The following PBXIP1 variants were observed in gnomAD, a reference collection of about 807,000 sequenced individuals.
PBXIP1 encodes PBX homeobox interacting protein 1.
A neutral mutation model predicts 73.7 loss-of-function variants in PBXIP1; 73 were observed. That is an observed-to-expected ratio of 0.99 (90% CI 0.82 to 1.20). The LOEUF (loss-of-function observed/expected upper bound fraction) is 1.20. Ranked by LOEUF, PBXIP1 falls within the 50% of genes most tolerant of loss-of-function variation. PBXIP1 has a pLI of 0.00. For missense variants in PBXIP1, 818 were observed against 911.4 expected, an observed-to-expected ratio of 0.90 and a Z score of 1.32; for synonymous variants, 330 against 366.9, an observed-to-expected ratio of 0.90 and a Z score of 1.15.
intron 9 of PBXIP1, chr1:154,947,070 G>A: frequency 1.8e-6 from 1 of 567,426 alleles, no homozygotes; most frequent in Non-Finnish European, 3.2e-6. Context: ...GATAGCCAAT[G>A]TGTGGCTCTC....
In PBXIP1 at chr1:154,947,254, A is replaced by G. The variant is rs1288102386; in HGVS notation, c.870+163T>C. 4 of 795,174 alleles carry G rather than the reference A, an allele frequency of 5.0e-6. No individual in the cohort carries two copies. The Admixed American group carries it at 6.7e-5, about 13-fold the overall frequency. 49.3% of individuals were successfully genotyped at this position (795,174 alleles called of 1,614,324 possible). A position where few individuals can be genotyped will look rare whatever the true frequency, so the allele number is the denominator to read the frequency against. ...CAGCCCTGGCCCAAACCTTAGCACA[A>G]GGGATGTGAACCAAGAACTGGGAAG... On this transcript the variant is annotated intron_variant, in intron 9 of 10. Coordinates refer to ENST00000368463, the MANE Select transcript of PBXIP1 (RefSeq NM_020524.4).
At chr1:154,945,386 C>T (rs1654767529) in intron 10 of PBXIP1, among the ~76,000 whole-genome samples, 186 bp downstream of exon 10, 1 of 152,148 alleles carries the variant, frequency 6.6e-6, no homozygotes, top group Non-Finnish European at 1.5e-5. Flanking sequence ...CTGCTCAGGA[C>T]CACTCTGGGG....
rs569351656 is a variant in PBXIP1, at chr1:154,948,448, C to T, written c.410-82G>A. Reference sequence around the variant, plus strand: ...GGGAGAGAGGGGAATCAGAGGAAGGCACAGGGAGGGAGGTCGTCAGCCCTG... The same window carrying T: ...GGGAGAGAGGGGAATCAGAGGAAGGTACAGGGAGGGAGGTCGTCAGCCCTG... On this transcript the variant is annotated intron_variant, in intron 5 of 10. Transcript: ENST00000368463. 2.7e-4 allele frequency: 286 copies of T among 1,056,860 alleles called. 1 individual carries two copies. The African/African-American group carries it at 4.0e-3, about 15-fold the overall frequency. The allele number at this position is 1,056,860 out of a possible 1,614,324, so 65.5% of individuals were successfully genotyped here.
At chr1:154,952,046 G>A (rs947022721) in intron 2 of PBXIP1, 125 bp from the exon 3 acceptor site, 10 of 998,146 alleles carry the variant, frequency 1.0e-5, no homozygotes, top group Non-Finnish European at 1.3e-5. Flanking sequence ...CCAAGTGCTC[G>A]GCATTCCCCA....
At chr1:154,947,238 C>T (rs748925164) in intron 9 of PBXIP1, 179 bp downstream of exon 9, 9 of 710,946 alleles carry the variant, frequency 1.3e-5, no homozygotes, top group South Asian at 8.7e-5. Flanking sequence ...CCAGCCCTGG[C>T]CCAAACCTTA....
rs779000898 is a variant in PBXIP1 at position 154,947,644 on chromosome 1, GC to G, written c.735del (p.Arg245SerfsTer5). ...DPEVLEAVGD[R>X]QDGLREQLQA... ...CCTCTGGAGACATTCACACATACCT[GC>G]CTGTCCCCCACAGCTTCCAGCACCT... On this transcript the variant is annotated frameshift_variant, in exon 8 of 11. Coordinates refer to ENST00000368463, the MANE Select transcript of PBXIP1 (RefSeq NM_020524.4). LOFTEE classifies it high-confidence loss of function. 8 of 1,613,854 alleles carry G rather than the reference GC, an allele frequency of 5.0e-6. No individual in the cohort carries two copies. The African/African-American group carries it at 8.0e-5, about 16-fold the overall frequency.
chr1:154,945,109 T>C lies in PBXIP1; in HGVS notation c.2111A>G (p.Lys704Arg), dbSNP rs1654757068. The change falls in exon 11 of 11, where the codon AAG (lysine) becomes AGG (arginine). Residue 704 changes from lysine to arginine, a missense_variant. Physicochemically the swap from Lys to Arg is conservative, Grantham distance 26. Transcript: ENST00000368463. ...TGGGCTCTGTGAGTGCTTGTCCTTC[T>C]TCCCTGACCTGTGGGGAGGAAGAGG... ...GDKALKKRSG[K>R]KDKHSQSPRA... 1 of 1,612,980 alleles carries C rather than the reference T, an allele frequency of 6.2e-7. No individual in the cohort carries two copies. The highest frequency in any genetic ancestry group is 1.1e-5 in the South Asian group (1 of 91,058).
intron 2 of PBXIP1, among the ~76,000 whole-genome samples, chr1:154,953,154 C>T (rs1447282730): frequency 1.3e-5 from 2 of 152,160 alleles, no homozygotes; most frequent in African/African-American, 2.4e-5. Flanking sequence ...CCAGCATGCA[C>T]AGTGGCTTCA....
In PBXIP1 at chr1:154,944,690, TGAAAGCTCTTTAGCTTCA is replaced by T; in HGVS notation, c.*316_*333del. On this transcript the variant is annotated 3_prime_UTR_variant, in exon 11 of 11. Coordinates refer to ENST00000368463, the MANE Select transcript of PBXIP1 (RefSeq NM_020524.4). ...CTATGGGGACATACACTCAAGAGGATGAAAGCTCTTTAGCTTCAGAATCAGATTGCCTTCCCCAGACCC... is the reference window on the plus strand; with the variant it reads ...CTATGGGGACATACACTCAAGAGGATGAATCAGATTGCCTTCCCCAGACCC... 1 of 253,540 alleles carries T rather than the reference TGAAAGCTCTTTAGCTTCA, an allele frequency of 3.9e-6. No homozygotes were observed. Among genetic ancestry groups the T allele is most frequent in the Non-Finnish European group, 7.8e-6 (1 of 128,614 alleles). 15.7% of individuals were successfully genotyped at this position (253,540 alleles called of 1,614,324 possible).
In PBXIP1 at chr1:154,946,639, A is replaced by T; in HGVS notation, c.1035T>A (p.Cys345Ter). 2 of 1,612,194 alleles carry T rather than the reference A, an allele frequency of 1.2e-6. No homozygotes were observed. Among genetic ancestry groups the T allele is most frequent in the Non-Finnish European group, 1.7e-6 (2 of 1,178,708 alleles). Residue 345 changes from cysteine (C) to a stop codon, truncating the protein, a stop_gained, in exon 10 of 11, where the codon TGT becomes TGA. Coordinates refer to ENST00000368463, the MANE Select transcript of PBXIP1 (RefSeq NM_020524.4). LOFTEE classifies it high-confidence loss of function. ...RARLQGLEADCVRGPDGVCLS... is the reference protein window; with the variant it reads ...RARLQGLEAD ...GGCACACCCCATCTGGGCCCCGGAC[A>T]CAGTCGGCCTCCAGCCCCTGGAGCC...
At chr1:154,953,787 A>G (rs1655088116) in intron 1 of PBXIP1, 30 bp from the exon 2 acceptor site, 2 of 1,458,800 alleles carry the variant, frequency 1.4e-6, no homozygotes, top group Non-Finnish European at 1.9e-6. Flanking sequence ...TAAGGATGGG[A>G]GCTCCCTTCA....
Position 154,951,879 on chromosome 1 carries a change from G to A in PBXIP1, c.94C>T (p.Pro32Ser). ...GCCTGCAGGGCTCTCTCAGATTCTG[G>A]GTCCATCCTGGATGCCGGGCCCAGT... The part of the protein sequence containing the change: ...ETLGPASRMD[P>S]ESERALQAPH... The change falls in exon 3 of 11, where the codon CCA (proline) becomes TCA (serine). Residue 32 changes from proline (P) to serine (S), a missense_variant. By Grantham distance (74) the Pro-to-Ser change is moderately conservative. Transcript: ENST00000368463. The surrounding 1 kb of genome is among the most constrained non-coding windows in gnomAD (Gnocchi z 4.3). 1 of 1,613,346 alleles carries A rather than the reference G, an allele frequency of 6.2e-7. No individual in the cohort carries two copies.
At position 154,948,321 on chromosome 1, in the gene PBXIP1, G is replaced by T; in HGVS notation, c.455C>A (p.Thr152Asn). ...CCGCAGACCCTCCATGTCCACGTCG[G>T]TGTCATCGTCACTGCTGGAGCAGCG... ...EGRCSSSDDD[T>N]DVDMEGLRRR... Residue 152 changes from threonine (T) to asparagine (N), a missense_variant, in exon 6 of 11, where the codon ACC becomes AAC. By Grantham distance (65) the Thr-to-Asn change is moderately conservative. Transcript: ENST00000368463. 6.2e-6 allele frequency: 10 copies of T among 1,609,624 alleles called. No individual in the cohort carries two copies. Among genetic ancestry groups the T allele is most frequent in the Non-Finnish European group, 8.5e-6 (10 of 1,178,288 alleles).
rs546854704 is a variant in PBXIP1, at chr1:154,949,834, G to A, written c.409+1398C>T. 2.3e-3 allele frequency among the ~76,000 whole-genome samples: 348 copies of A among 152,026 alleles called. 2 individuals carry two copies. Among genetic ancestry groups the A allele is most frequent in the African/African-American group, 7.9e-3 (327 of 41,478 alleles). On this transcript the variant is annotated intron_variant, in intron 5 of 10. Coordinates refer to ENST00000368463, the MANE Select transcript of PBXIP1 (RefSeq NM_020524.4). Reference sequence around the variant, plus strand: ...TAGTGGGAGAGGGGAGGGTCAGGATGTGTGGGTAAATAGGAAACATTCCTT... The same window carrying A: ...TAGTGGGAGAGGGGAGGGTCAGGATATGTGGGTAAATAGGAAACATTCCTT...
intron 2 of PBXIP1, 24 bp downstream of exon 2, chr1:154,953,647 G>A (rs1381492125): frequency 1.3e-6 from 2 of 1,545,600 alleles, no homozygotes; most frequent in Non-Finnish European, 1.8e-6. Flanking sequence ...CCACCCCCAT[G>A]GTTCCCAGGC....
At chr1:154,950,749 C>T (rs571482247) in intron 5 of PBXIP1, among the ~76,000 whole-genome samples, 9 of 152,392 alleles carry the variant, frequency 5.9e-5, no homozygotes, top group African/African-American at 1.9e-4. Flanking sequence ...TCACCTCTCA[C>T]TGTCCCAGCC....
chr1:154,949,605 C>T (rs1337424725), intron 5 of PBXIP1, among the ~76,000 whole-genome samples: 1 of 151,572 alleles, frequency 6.6e-6, no homozygotes, highest in Non-Finnish European at 1.5e-5. Flanking sequence ...TTTCCACCTC[C>T]CATACCTGGA....
Position 154,945,793 on chromosome 1 carries a change from G to A in PBXIP1, c.1881C>T (p.Pro627=), listed in dbSNP as rs1186863391. The A allele has an allele frequency of 6.2e-7, 1 of 1,614,070 alleles. No homozygotes were observed. The highest frequency in any genetic ancestry group is 1.3e-5 in the African/African-American group (1 of 74,932). The change falls in exon 10 of 11, where the codon CCC becomes CCT. Residue 627 remains proline (P), a synonymous_variant. Transcript: ENST00000368463. ...SLLRTYLARL[P]WAGQLTKELP... ...GCTCCTTGGTCAGCTGCCCAGCCCA[G>A]GGCAGCCGTGCCAAGTATGTTCTTA... is the stretch of plus-strand genomic sequence containing the variant.
Position 154,946,160 on chromosome 1 carries a change from C to T in PBXIP1, c.1514G>A (p.Trp505Ter), listed in dbSNP as rs767193192. 4.3e-6 allele frequency: 7 copies of T among 1,614,014 alleles called. No individual in the cohort carries two copies. The African/African-American group carries it at 8.0e-5, about 18-fold the overall frequency. ...TGGCTCCCTGTCCTCCTGACCTCCC[C>T]AGTTCTTCTTCCTTTCCCGGCCAGA... ...EESGRERKKN[W>*]GGQEDREPAG... Residue 505 changes from tryptophan to a stop codon, truncating the protein, a stop_gained, in exon 10 of 11, where the codon TGG becomes TAG. Coordinates refer to ENST00000368463, the MANE Select transcript of PBXIP1 (RefSeq NM_020524.4). LOFTEE classifies it high-confidence loss of function.
Sources: gnomAD v4.1 joint callset for allele counts (sites outside exome capture counted in the v4.1 genomes callset) on GRCh38, gnomAD v4.1.1 for gene constraint, Gnocchi (gnomAD v3.1) non-coding constraint, MANE v1.5 for transcripts, NCBI Gene and HGNC (gene_info 2026-07-23, HGNC 2026-07-21) for gene names.